Variants in ZNF641 observed in about 807,000 individuals in gnomAD.
The protein encoded by ZNF641 is zinc finger protein 641.
A neutral mutation model predicts 46.2 loss-of-function variants in ZNF641; 26 were observed. The ratio of observed to expected loss-of-function variants is 0.56; its 90% CI spans 0.41 to 0.78. The LOEUF (loss-of-function observed/expected upper bound fraction) is 0.78, where lower values mean the gene tolerates loss of function less well. Among genes scored for constraint, ZNF641 ranks in the 30% least tolerant of loss-of-function variants. The probability of loss-of-function intolerance (pLI) is 0.00; values close to 1 mark genes in which losing one functional copy is unlikely to be tolerated. For synonymous variants in ZNF641, 163 were observed against 187.9 expected (o/e 0.87, Z 1.09); for missense variants, 469 against 517.8 (o/e 0.91, Z 0.91).
chr12:48,342,842 C>T lies in ZNF641; in HGVS notation c.*131G>A, dbSNP rs573901503. ...AGAAATGCTCTGGCCATTGCTGGGA[C>T]CTCATCTTTCTAGGGATGGGGTCAG... On this transcript the variant is annotated 3_prime_UTR_variant, in exon 6 of 6. Transcript: ENST00000547026. The T allele has an allele frequency of 6.9e-7, 1 of 1,450,808 alleles. No homozygotes were observed. Among genetic ancestry groups the T allele is most frequent in the African/African-American group, 1.4e-5 (1 of 70,262 alleles). 89.9% of individuals were successfully genotyped at this position (1,450,808 alleles called of 1,614,324 possible). A position where few individuals can be genotyped will look rare whatever the true frequency, so the allele number is the denominator to read the frequency against.
intron 3 of ZNF641, among the ~76,000 whole-genome samples, chr12:48,346,874 G>T (rs987340519): frequency 4.6e-5 from 7 of 152,168 alleles, no homozygotes; most frequent in African/African-American, 1.7e-4. Context: ...AGCTAGGTGT[G>T]GTGGCGTGTG....
In ZNF641 at chr12:48,342,050, C is replaced by T. The variant is rs894222745; in HGVS notation, c.*923G>A. On this transcript the variant is annotated 3_prime_UTR_variant, in exon 6 of 6. Coordinates refer to ENST00000547026, the MANE Select transcript of ZNF641 (RefSeq NM_001172681.2). ...GCATGCTGTCTTCAAAGACCCTGCA[C>T]ACAAATACACAGACACATAAAGACA... 1.0e-6 allele frequency: 1 copy of T among 985,372 alleles called. No homozygotes were observed. The highest frequency in any genetic ancestry group is 6.1e-5 in the Admixed American group (1 of 16,264). 61.0% of individuals were successfully genotyped at this position (985,372 alleles called of 1,614,324 possible).
rs1354063908 is a variant in ZNF641 at position 48,340,219 on chromosome 12, A to G, written c.*2754T>C. The G allele has an allele frequency of 1.0e-6, 1 of 985,256 alleles. No homozygotes were observed. Among genetic ancestry groups the G allele is most frequent in the Non-Finnish European group, 1.2e-6 (1 of 829,912 alleles). 61.0% of individuals were successfully genotyped at this position (985,256 alleles called of 1,614,324 possible). On this transcript the variant is annotated 3_prime_UTR_variant, in exon 6 of 6. Transcript: ENST00000547026. ...TGGTACACCAGAAATAACCCAAAGG[A>G]TTGCCCCTTCTGTAGAAGGCCCTTA...
Position 48,340,292 on chromosome 12 carries a change from G to A in ZNF641, c.*2681C>T, listed in dbSNP as rs1446579900. ...GGGTGCTATACTTGCACCTAACTCT[G>A]GGGGCTTCACTTTCTATCCCTACAA... On this transcript the variant is annotated 3_prime_UTR_variant, in exon 6 of 6. Coordinates refer to ENST00000547026, the MANE Select transcript of ZNF641 (RefSeq NM_001172681.2). 2 of 985,290 alleles carry A rather than the reference G, an allele frequency of 2.0e-6. No homozygotes were observed. Among genetic ancestry groups the A allele is most frequent in the African/African-American group, 3.5e-5 (2 of 57,238 alleles). The allele number at this position is 985,290 out of a possible 1,614,324, so 61.0% of individuals were successfully genotyped here.
intron 3 of ZNF641, among the ~76,000 whole-genome samples, chr12:48,345,883 A>C (rs980888663): frequency 8.0e-5 from 12 of 150,194 alleles, no homozygotes; most frequent in Non-Finnish European, 1.5e-4. Flanking sequence ...CAGATAAAAC[A>C]TTCTTTCTTG....
At chr12:48,343,779 T>C (rs888446883) in intron 5 of ZNF641, 52 bp from the exon 6 acceptor site, 1 of 1,429,784 alleles carries the variant, frequency 7.0e-7, no homozygotes, top group African/African-American at 1.4e-5. Context: ...AAGAGAGTGC[T>C]TGAGGCCTAA....
rs1952644596 is a variant in ZNF641 at position 48,338,316 on chromosome 12, C to A, written c.*4657G>T. 1 of 151,950 alleles carries A rather than the reference C, an allele frequency of 6.6e-6. No homozygotes were observed. Among genetic ancestry groups the A allele is most frequent in the South Asian group, 2.1e-4 (1 of 4,818 alleles). The allele number at this position is 151,950 out of a possible 1,614,324, so 9.4% of individuals were successfully genotyped here. ...TGCTCAGTCAGAACAAAGCAAAACT[C>A]AAACAAACAAAAAAATCTGAAAAAG... On this transcript the variant is annotated 3_prime_UTR_variant, in exon 6 of 6. Coordinates refer to ENST00000547026, the MANE Select transcript of ZNF641 (RefSeq NM_001172681.2).
downstream of ZNF641, among the ~76,000 whole-genome samples, chr12:48,336,431 T>C (rs1265456896): frequency 1.3e-5 from 2 of 152,194 alleles, no homozygotes; most frequent in Non-Finnish European, 2.9e-5. Context: ...CAAAACAATC[T>C]GGCTGGGGTA....
chr12:48,345,346 CAG>C lies in ZNF641; in HGVS notation c.403_404del (p.Leu135GlufsTer23). On this transcript the variant is annotated frameshift_variant and splice_region_variant, in exon 4 of 6. Transcript: ENST00000547026. LOFTEE classifies it high-confidence loss of function. ...MQENCGIVVS[L>X]RFPIPKLDML... The stretch of plus-strand genomic sequence containing the variant: ...GTGGCTGGAGAAGGTCATGCTTACT[CAG>C]AGAGACTACTATCCCACAGTTTTCC... The C allele has an allele frequency of 6.2e-7, 1 of 1,613,802 alleles. No homozygotes were observed. The highest frequency in any genetic ancestry group is 8.5e-7 in the Non-Finnish European group (1 of 1,179,850).
rs774178369 is a variant in ZNF641, at chr12:48,347,958, C to T, written c.133G>A (p.Glu45Lys). 3.7e-6 allele frequency: 6 copies of T among 1,614,020 alleles called. No homozygotes were observed. The African/African-American group carries it at 6.7e-5, about 18-fold the overall frequency. Residue 45 changes from glutamate to lysine, a missense_variant, in exon 2 of 6, where the codon GAG becomes AAG. Transcript: ENST00000547026. ...RPWRTVPGPL[E>K]HLCCDLEEEP... ...TCTTCAAGGTCACAGCACAGGTGCT[C>T]CAGAGGTCCTGGTACTGTTCTCCAT...
chr12:48,342,241 G>A lies in ZNF641; in HGVS notation c.*732C>T. 2.0e-6 allele frequency: 2 copies of A among 985,458 alleles called. No individual in the cohort carries two copies. Among genetic ancestry groups the A allele is most frequent in the Non-Finnish European group, 1.2e-6 (1 of 829,980 alleles). 61.0% of individuals were successfully genotyped at this position (985,458 alleles called of 1,614,324 possible). A position where few individuals can be genotyped will look rare whatever the true frequency, so the allele number is the denominator to read the frequency against. On this transcript the variant is annotated 3_prime_UTR_variant, in exon 6 of 6. Coordinates refer to ENST00000547026, the MANE Select transcript of ZNF641 (RefSeq NM_001172681.2). Reference sequence around the variant, plus strand: ...GCAGGATGAAGGGAGTAGGAATAATGGGTAAAAAGGTTATTTTTTCAGCAG... The same window carrying A: ...GCAGGATGAAGGGAGTAGGAATAATAGGTAAAAAGGTTATTTTTTCAGCAG...
Position 48,342,541 on chromosome 12 carries a change from G to T in ZNF641, c.*432C>A. On this transcript the variant is annotated 3_prime_UTR_variant, in exon 6 of 6. Transcript: ENST00000547026. ...AGAACCTTCAGTTGGGTCTACTGCAGAAATTTTCAGAGCCTTTAATATTCT... is the reference window on the plus strand; with the variant it reads ...AGAACCTTCAGTTGGGTCTACTGCATAAATTTTCAGAGCCTTTAATATTCT... 1 of 600,940 alleles carries T rather than the reference G, an allele frequency of 1.7e-6. No individual in the cohort carries two copies. The highest frequency in any genetic ancestry group is 2.1e-6 in the Non-Finnish European group (1 of 474,574). The allele number at this position is 600,940 out of a possible 1,614,324, so 37.2% of individuals were successfully genotyped here. A position where few individuals can be genotyped will look rare whatever the true frequency, so the allele number is the denominator to read the frequency against.
upstream of ZNF641, chr12:48,351,098 C>G (rs939967995): frequency 1.3e-5 from 2 of 152,854 alleles, no homozygotes; most frequent in African/African-American, 4.8e-5. Flanking sequence ...GAACCCGGGA[C>G]CTCCGCGCCC....
At chr12:48,347,854 T>TA in intron 2 of ZNF641, 53 bp downstream of exon 2, 1 of 1,558,318 alleles carries the variant, frequency 6.4e-7, no homozygotes, top group East Asian at 2.2e-5. Context: ...ACTTTTGGAA[T>TA]AAATATTAGG....
chr12:48,347,448 A>G lies in ZNF641; in HGVS notation c.185-105T>C, dbSNP rs1952909301. 5.2e-6 allele frequency: 5 copies of G among 954,634 alleles called. No homozygotes were observed. In the South Asian group the frequency reaches 5.8e-5, roughly 11 times the overall value. 59.1% of individuals were successfully genotyped at this position (954,634 alleles called of 1,614,324 possible). Reference sequence around the variant, plus strand: ...CTTAAGGGTCACAACTTCTGTATCTATGCCCATTGGTAAAACTCAAATGCA... The same window carrying G: ...CTTAAGGGTCACAACTTCTGTATCTGTGCCCATTGGTAAAACTCAAATGCA... On this transcript the variant is annotated intron_variant, in intron 2 of 5. Transcript: ENST00000547026.
chr12:48,343,294 G>A lies in ZNF641; in HGVS notation c.954C>T (p.Asn318=). Residue 318 remains asparagine, a synonymous_variant, in exon 6 of 6, where the codon AAC becomes AAT. Coordinates refer to ENST00000547026, the MANE Select transcript of ZNF641 (RefSeq NM_001172681.2). ...CSECGKNFRC[N]SHLASHQRVH... is the part of the protein sequence containing the mutation. The stretch of plus-strand genomic sequence containing the variant: ...CTCTCTGGTGGCTGGCCAGATGGGA[G>A]TTGCATCGGAAATTCTTACCACACT... 1 of 1,614,236 alleles carries A rather than the reference G, an allele frequency of 6.2e-7. No homozygotes were observed. The highest frequency in any genetic ancestry group is 8.5e-7 in the Non-Finnish European group (1 of 1,180,046).
At chr12:48,350,106 T>A in intron 1 of ZNF641, 1 of 1,614,020 alleles carries the variant, frequency 6.2e-7, no homozygotes, top group Non-Finnish European at 8.5e-7. Context: ...GCGGTTAAGG[T>A]GGTAGCCCTA....
rs374322404 is a variant in ZNF641 at position 48,346,725 on chromosome 12, C to A, written c.276+527G>T. Among the ~76,000 whole-genome samples the A allele has an allele frequency of 1.5e-4, 23 of 152,194 alleles. No individual in the cohort carries two copies. In the East Asian group the frequency reaches 3.9e-3, roughly 26 times the overall value. On this transcript the variant is annotated intron_variant, in intron 3 of 5. Transcript: ENST00000547026. ...CACAGCCATCCATTAAAAACCCTAA[C>A]CTTGGCCAGGCACGGTGGCTCATAC...
chr12:48,341,801 C>T lies in ZNF641; in HGVS notation c.*1172G>A. On this transcript the variant is annotated 3_prime_UTR_variant, in exon 6 of 6. Transcript: ENST00000547026. The stretch of plus-strand genomic sequence containing the variant: ...TGCCAGGGCAAAAGCAATCTGCAGC[C>T]CAGAGATTCAAACCTAGACATACAC... 1.0e-6 allele frequency: 1 copy of T among 985,438 alleles called. No homozygotes were observed. The highest frequency in any genetic ancestry group is 4.7e-5 in the South Asian group (1 of 21,282). The allele number at this position is 985,438 out of a possible 1,614,324, so 61.0% of individuals were successfully genotyped here.
Sources: gnomAD v4.1 joint callset for allele counts (sites outside exome capture counted in the v4.1 genomes callset) on GRCh38, gnomAD v4.1.1 for gene constraint, MANE v1.5 for transcripts, NCBI Gene and HGNC (gene_info 2026-07-23, HGNC 2026-07-21) for gene names.